MIR2052HG: variants seen among roughly 807,000 people sequenced by gnomAD.
MIR2052HG encodes the protein MIR2052 host gene.
At chr8:74,718,277 A>G (rs1809540424) in intron 4 of MIR2052HG, among the ~76,000 whole-genome samples, 2 of 152,170 alleles carry the variant, frequency 1.3e-5, no homozygotes, top group South Asian at 2.1e-4. Context: ...TTTGGTAAGA[A>G]TGGCTCAAAA....
At chr8:74,661,178 G>C (rs1808860442) in intron 2 of MIR2052HG, among the ~76,000 whole-genome samples, 1 of 150,856 alleles carries the variant, frequency 6.6e-6, no homozygotes, top group African/African-American at 2.4e-5. Context: ...GAAAAAACTT[G>C]GACTGGATGC....
chr8:74,628,117 T>C (rs544546016), intron 2 of MIR2052HG, among the ~76,000 whole-genome samples: 106 of 152,292 alleles, frequency 7.0e-4, no homozygotes, highest in Middle Eastern at 3.4e-3. Context: ...GTAACTCATA[T>C]TTGAATTAAA....
intron 2 of MIR2052HG, among the ~76,000 whole-genome samples, chr8:74,686,411 G>C (rs924918754): frequency 7.9e-5 from 12 of 151,934 alleles, no homozygotes; most frequent in African/African-American, 2.9e-4. Flanking sequence ...GATTGATAGA[G>C]AGCTTGATTT....
intron 4 of MIR2052HG, among the ~76,000 whole-genome samples, chr8:74,729,896 T>A (rs927045185): frequency 2.6e-5 from 4 of 152,156 alleles, no homozygotes; most frequent in Non-Finnish European, 4.4e-5. Context: ...TGGTTGTAAA[T>A]GTATACACAT....
At position 74,745,578 on chromosome 8, in the gene MIR2052HG, T is replaced by TC. The variant is rs200533238; in HGVS notation, n.372-6862dup. Among the ~76,000 whole-genome samples the TC allele has an allele frequency of 3.3e-3, 504 of 152,240 alleles. 16 individuals carry two copies. The highest frequency in any genetic ancestry group is 0.031 in the Admixed American group (468 of 15,276). ...GTAAACATCACTGTGGGTTTTTTTT[T>TC]CACTGTAAATAGGCATGCAAAACTA... is the stretch of plus-strand genomic sequence containing the variant. On this transcript the variant is annotated intron_variant and non_coding_transcript_variant, in intron 4 of 6. Transcript: ENST00000523442.
At chr8:74,728,755 G>A (rs1335529209) in intron 4 of MIR2052HG, among the ~76,000 whole-genome samples, 1 of 152,174 alleles carries the variant, frequency 6.6e-6, no homozygotes, top group African/African-American at 2.4e-5. Context: ...AGTATTCAAA[G>A]CAGAGGGCTC....
intron 4 of MIR2052HG, among the ~76,000 whole-genome samples, chr8:74,725,014 T>C (rs992124457): frequency 1.3e-5 from 2 of 152,210 alleles, no homozygotes; most frequent in Admixed American, 6.5e-5. Flanking sequence ...ATCTGAGTTC[T>C]TGTGCAGATA....
intron 2 of MIR2052HG, among the ~76,000 whole-genome samples, chr8:74,678,876 G>T (rs1484338310): frequency 6.6e-6 from 1 of 151,836 alleles, no homozygotes; most frequent in South Asian, 2.1e-4. Context: ...AACAAGTTAG[G>T]TTTATCCCAG....
intron 1 of MIR2052HG, among the ~76,000 whole-genome samples, chr8:74,601,480 C>G (rs1054501961): frequency 1.3e-5 from 2 of 152,170 alleles, no homozygotes; most frequent in African/African-American, 4.8e-5. Context: ...AGGCCCAGTT[C>G]TTTAGGAAGT....
chr8:74,651,587 A>G (rs1808753681), intron 2 of MIR2052HG, among the ~76,000 whole-genome samples: 1 of 152,226 alleles, frequency 6.6e-6, no homozygotes, highest in Admixed American at 6.5e-5. Context: ...ACAAAAATTT[A>G]GTAATTCAAG....
intron 1 of MIR2052HG, among the ~76,000 whole-genome samples, chr8:74,606,818 A>G (rs201208191): frequency 3.5e-5 from 1 of 28,410 alleles, no homozygotes; most frequent in Non-Finnish European, 1.0e-4. Flanking sequence ...TGAACTTAAA[A>G]TAAAAGTTTT....
intron 2 of MIR2052HG, among the ~76,000 whole-genome samples, chr8:74,668,232 T>A (rs1465035675): frequency 6.6e-6 from 1 of 151,916 alleles, no homozygotes; most frequent in Non-Finnish European, 1.5e-5. Context: ...TGATACTTAT[T>A]TCTATTACAA....
chr8:74,615,493 C>T (rs1808266675), intron 2 of MIR2052HG, among the ~76,000 whole-genome samples: 1 of 152,192 alleles, frequency 6.6e-6, no homozygotes, highest in Non-Finnish European at 1.5e-5. Context: ...TCTCACTTTA[C>T]TGTATCCACT....
intron 4 of MIR2052HG, among the ~76,000 whole-genome samples, chr8:74,732,635 A>T (rs1013313441): frequency 6.6e-5 from 10 of 152,218 alleles, no homozygotes; most frequent in Admixed American, 5.9e-4. Flanking sequence ...ATAGCCAGTG[A>T]AAGGTAGCTT....
intron 2 of MIR2052HG, among the ~76,000 whole-genome samples, chr8:74,635,144 T>C (rs1459595232): frequency 6.6e-6 from 1 of 152,100 alleles, no homozygotes; most frequent in Non-Finnish European, 1.5e-5. Flanking sequence ...TTTGACTGAA[T>C]ACTTATAACA....
rs1586884050 is a variant in MIR2052HG at position 74,603,133 on chromosome 8, T to C, written n.128+3225T>C. The C allele has an allele frequency of 6.1e-6, 4 of 659,848 alleles. No individual in the cohort carries two copies. The South Asian group carries it at 7.1e-5, about 12-fold the overall frequency. 40.9% of individuals were successfully genotyped at this position (659,848 alleles called of 1,614,324 possible). A position where few individuals can be genotyped will look rare whatever the true frequency, so the allele number is the denominator to read the frequency against. ...AACAGAGAAAGGAATTAAAACACTTTAAGTAAAAAATCACGAGTGGATGAT... is the reference window on the plus strand; with the variant it reads ...AACAGAGAAAGGAATTAAAACACTTCAAGTAAAAAATCACGAGTGGATGAT... On this transcript the variant is annotated intron_variant and non_coding_transcript_variant, in intron 1 of 6. Transcript: ENST00000523442.
intron 4 of MIR2052HG, among the ~76,000 whole-genome samples, chr8:74,710,019 A>G (rs1004525742): frequency 6.6e-6 from 1 of 152,190 alleles, no homozygotes; most frequent in African/African-American, 2.4e-5. Flanking sequence ...AATAGTTTGC[A>G]GCCACCCCAT....
At chr8:74,616,399 G>A (rs376422735) in intron 2 of MIR2052HG, among the ~76,000 whole-genome samples, 11 of 147,828 alleles carry the variant, frequency 7.4e-5, no homozygotes, top group South Asian at 2.2e-4. Flanking sequence ...AATGCTCATC[G>A]TCACTGGCCA....
intron 2 of MIR2052HG, among the ~76,000 whole-genome samples, chr8:74,681,112 T>G (rs920841280): frequency 4.0e-5 from 6 of 150,460 alleles, no homozygotes; most frequent in African/African-American, 1.5e-4. Context: ...TACCTAATAC[T>G]AGATGACGAG....
Sources: gnomAD v4.1 joint callset for allele counts (sites outside exome capture counted in the v4.1 genomes callset) on GRCh38, gnomAD v4.1.1 for gene constraint, MANE v1.5 for transcripts, NCBI Gene and HGNC (gene_info 2026-07-23, HGNC 2026-07-21) for gene names.